The following EYS variants were observed in gnomAD, a reference collection of about 807,000 sequenced individuals.
EYS encodes the protein EGF-like photoreceptor maintenance factor.
In EYS, 250 loss-of-function variants were observed where a neutral mutation model predicts 282.1. That is an observed-to-expected ratio of 0.89 (90% CI 0.80 to 0.98). EYS has a LOEUF of 0.98. EYS is among the 50% of genes least tolerant of loss of function. The pLI, the probability that EYS is intolerant of heterozygous loss-of-function variation, is 0.00. For missense variants in EYS, 4,016 were observed against 3,709.0 expected, an observed-to-expected ratio of 1.08 and a Z score of -2.15; for synonymous variants, 1,355 against 1,282.9, an observed-to-expected ratio of 1.06 and a Z score of -1.20.
chr6:65,451,295 T>C (rs1260439320), intron 5 of EYS, among the ~76,000 whole-genome samples: 2 of 152,176 alleles, frequency 1.3e-5, no homozygotes, highest in East Asian at 3.9e-4. Flanking sequence ...TGGGGATAAA[T>C]GAGAAAATAC....
intron 13 of EYS, among the ~76,000 whole-genome samples, chr6:64,998,992 C>T (rs555905773): frequency 3.3e-5 from 5 of 152,154 alleles, no homozygotes; most frequent in African/African-American, 7.2e-5. Context: ...TTACATTAAA[C>T]GCAAAGGACA....
chr6:65,329,911 A>G (rs1197825930), intron 11 of EYS: 1 of 979,724 alleles, frequency 1.0e-6, no homozygotes, highest in Non-Finnish European at 1.2e-6. Flanking sequence ...ACACTTTGAA[A>G]CAGAACTCTT....
At chr6:65,582,832 T>A (rs1426102534) in intron 2 of EYS, among the ~76,000 whole-genome samples, 1 of 152,136 alleles carries the variant, frequency 6.6e-6, no homozygotes, top group Non-Finnish European at 1.5e-5. Context: ...ATGTTATAAT[T>A]ATCCCTATTT....
chr6:65,628,238 A>G (rs975259156), intron 2 of EYS, among the ~76,000 whole-genome samples: 7 of 152,120 alleles, frequency 4.6e-5, no homozygotes, highest in Admixed American at 4.6e-4. Context: ...GACACTCCGT[A>G]TCTAGCTGCT....
At chr6:65,515,487 C>T (rs1194054530) in intron 2 of EYS, among the ~76,000 whole-genome samples, 1 of 151,000 alleles carries the variant, frequency 6.6e-6, no homozygotes, top group Non-Finnish European at 1.5e-5. Context: ...AAGACACATG[C>T]ACACGTATGT....
At chr6:65,346,494 A>T (rs1391880239) in intron 9 of EYS, among the ~76,000 whole-genome samples, 5 of 151,724 alleles carry the variant, frequency 3.3e-5, no homozygotes, top group African/African-American at 1.2e-4. Flanking sequence ...AGTAAAACAA[A>T]TTAAAAATTC....
intron 40 of EYS, 61 bp from the exon 41 acceptor site, chr6:63,762,694 G>A: frequency 4.2e-6 from 6 of 1,423,708 alleles, no homozygotes; most frequent in Non-Finnish European, 5.7e-6. Flanking sequence ...TACATACTAT[G>A]TATTGCCCTG....
chr6:65,571,891 T>G (rs1445652877), intron 2 of EYS, among the ~76,000 whole-genome samples: 1 of 152,034 alleles, frequency 6.6e-6, no homozygotes, highest in Non-Finnish European at 1.5e-5. Context: ...TATCAATAGA[T>G]TTTAAGAAAT....
At chr6:64,671,956 C>T (rs192917943) in intron 22 of EYS, among the ~76,000 whole-genome samples, 151 of 151,834 alleles carry the variant, frequency 9.9e-4, no homozygotes, top group Non-Finnish European at 1.6e-3. Context: ...TATGTGGAAA[C>T]CCACCAAGAA....
At chr6:64,648,560 T>A (rs914621781) in intron 22 of EYS, among the ~76,000 whole-genome samples, 7 of 152,194 alleles carry the variant, frequency 4.6e-5, no homozygotes, top group Non-Finnish European at 1.0e-4. Context: ...AAAAAACTGA[T>A]TGATAATAAA....
At chr6:64,570,765 G>T (rs968888659) in intron 26 of EYS, among the ~76,000 whole-genome samples, 1 of 152,038 alleles carries the variant, frequency 6.6e-6, no homozygotes, top group Non-Finnish European at 1.5e-5. Context: ...CCCAATACAG[G>T]AGCACCAGAT....
intron 13 of EYS, among the ~76,000 whole-genome samples, chr6:65,041,765 T>C (rs1205711494): frequency 6.6e-6 from 1 of 151,670 alleles, no homozygotes; most frequent in African/African-American, 2.4e-5. Flanking sequence ...TTTCTATCTT[T>C]CACATTGGCA....
In EYS at chr6:65,519,106, T is replaced by C. The variant is rs116839853; in HGVS notation, c.-332-23113A>G. On this transcript the variant is annotated intron_variant, in intron 2 of 42. Coordinates refer to ENST00000503581, the MANE Select transcript of EYS (RefSeq NM_001142800.2). ...CCTTCTGGGATATCCCTCTCTTTCA[T>C]TGTGTTTGAGTTGTTTTACAATTTG... is the stretch of plus-strand genomic sequence containing the variant. 8.0e-3 allele frequency among the ~76,000 whole-genome samples: 1,213 copies of C among 152,246 alleles called. 2 individuals are homozygous for C. The highest frequency in any genetic ancestry group is 0.012 in the Non-Finnish European group (831 of 68,024).
intron 30 of EYS, among the ~76,000 whole-genome samples, chr6:64,231,126 A>T (rs2150338164): frequency 6.6e-6 from 1 of 152,284 alleles, no homozygotes; most frequent in South Asian, 2.1e-4. Context: ...TACAAATCTT[A>T]TGAGCCTAAG....
chr6:64,171,435 T>C (rs527364726), intron 31 of EYS, among the ~76,000 whole-genome samples: 1 of 152,274 alleles, frequency 6.6e-6, no homozygotes, highest in Admixed American at 6.5e-5. Context: ...ATGAGTTGGT[T>C]GAATGAGTGT....
chr6:65,415,923 A>G (rs1171636467), intron 5 of EYS, among the ~76,000 whole-genome samples: 1 of 152,078 alleles, frequency 6.6e-6, no homozygotes, highest in Admixed American at 6.6e-5. Flanking sequence ...GGTTCCATGT[A>G]TATTTTACTG....
chr6:64,097,911 A>C (rs1052274580), intron 31 of EYS, among the ~76,000 whole-genome samples: 4 of 152,234 alleles, frequency 2.6e-5, no homozygotes, highest in African/African-American at 9.6e-5. Context: ...GTTTATAAAA[A>C]GTGAAATGTG....
chr6:64,088,337 T>G (rs1582250295), intron 31 of EYS, among the ~76,000 whole-genome samples: 1 of 152,194 alleles, frequency 6.6e-6, no homozygotes, highest in African/African-American at 2.4e-5. Flanking sequence ...TATAGTATAC[T>G]ATATTACTTA....
At chr6:64,980,305 G>A (rs994883105) in intron 14 of EYS, among the ~76,000 whole-genome samples, 4 of 151,444 alleles carry the variant, frequency 2.6e-5, no homozygotes, top group African/African-American at 9.7e-5. Flanking sequence ...AAATTTCAGA[G>A]GAATCAAGTT....
Sources: allele counts gnomAD v4.1 joint callset (sites outside exome capture counted in the v4.1 genomes callset), GRCh38; gene constraint gnomAD v4.1.1; transcripts MANE v1.5; gene names NCBI Gene and HGNC (gene_info 2026-07-23, HGNC 2026-07-21).